The following STAC variants were observed in gnomAD, a reference collection of about 807,000 sequenced individuals.
STAC encodes SH3 and cysteine-rich domain-containing protein.
A neutral mutation model predicts 48.8 loss-of-function variants in STAC; 43 were observed. That is an observed-to-expected ratio of 0.88 (90% confidence interval 0.69 to 1.14). The LOEUF is 1.14. Among genes scored for constraint, STAC ranks in the 50% most tolerant of loss-of-function variants. STAC has a pLI of 0.00. For missense variants in STAC, 497 were observed against 504.0 expected (o/e 0.99, Z 0.13); for synonymous variants, 193 against 179.5 (o/e 1.07, Z -0.60).
chr3:36,470,750 G>C (rs1559504009), intron 2 of STAC, among the ~76,000 whole-genome samples: 2 of 152,212 alleles, frequency 1.3e-5, no homozygotes, highest in Non-Finnish European at 2.9e-5. Context: ...CTGCAAGCTA[G>C]TCCTGCCTCC....
intron 1 of STAC, among the ~76,000 whole-genome samples, chr3:36,387,305 T>C (rs1329792178): frequency 6.6e-6 from 1 of 152,086 alleles, no homozygotes; most frequent in Non-Finnish European, 1.5e-5. Context: ...CCTAGGTTTT[T>C]CTTGACTGTG....
intron 10 of STAC, chr3:36,529,326 TTCTTCAGTGCTC>T (rs1438168049): frequency 1.8e-5 from 3 of 165,176 alleles, no homozygotes; most frequent in Non-Finnish European, 3.9e-5. Context: ...GTGTGGTTAA[TTCTTCAGTGCTC>T]TCTAACAAAT....
At chr3:36,519,854 C>G (rs1698759975) in intron 8 of STAC, among the ~76,000 whole-genome samples, 1 of 152,108 alleles carries the variant, frequency 6.6e-6, no homozygotes, top group Non-Finnish European at 1.5e-5. Context: ...GGAATGCTGA[C>G]AGGAATTTAC....
chr3:36,460,320 T>C (rs1042790329), intron 2 of STAC, among the ~76,000 whole-genome samples: 19 of 152,036 alleles, frequency 1.2e-4, no homozygotes, highest in African/African-American at 4.6e-4. Flanking sequence ...CCTCATACTT[T>C]AGCAAATAAA....
chr3:36,435,369 T>G (rs959511816), intron 1 of STAC, among the ~76,000 whole-genome samples: 2 of 152,176 alleles, frequency 1.3e-5, no homozygotes, highest in Non-Finnish European at 1.5e-5. Context: ...TTCTCCATCT[T>G]TCTCCTTATG....
intron 2 of STAC, among the ~76,000 whole-genome samples, chr3:36,464,693 G>A (rs1412648966): frequency 1.3e-5 from 2 of 152,032 alleles, no homozygotes; most frequent in Non-Finnish European, 2.9e-5. Flanking sequence ...ATGATGTTTG[G>A]TTTTCCATTC....
chr3:36,461,110 A>G (rs1697005192), intron 2 of STAC, among the ~76,000 whole-genome samples: 1 of 152,188 alleles, frequency 6.6e-6, no homozygotes, highest in African/African-American at 2.4e-5. Context: ...ATGTATATGC[A>G]TATTTTGAAT....
chr3:36,430,417 T>C (rs73063806), intron 1 of STAC, among the ~76,000 whole-genome samples: 3,538 of 152,234 alleles, frequency 0.023, 60 homozygotes, highest in East Asian at 0.026. Context: ...TAATGAGCAG[T>C]AGGTCTCCAG....
At chr3:36,546,034 C>T (rs749621984) in intron 10 of STAC, among the ~76,000 whole-genome samples, 157 bp from the exon 11 acceptor site, 2 of 152,124 alleles carry the variant, frequency 1.3e-5, no homozygotes, top group Non-Finnish European at 2.9e-5. Context: ...TTTATCAAAC[C>T]TTTTTCTCAC....
intron 1 of STAC, among the ~76,000 whole-genome samples, chr3:36,436,493 C>T (rs558705812): frequency 6.6e-5 from 10 of 152,320 alleles, no homozygotes; most frequent in East Asian, 3.9e-4. Flanking sequence ...CTTAACCAGA[C>T]GCACCGACCT....
At position 36,528,767 on chromosome 3, in the gene STAC, T is replaced by C; in HGVS notation, c.972+20T>C. ...TGGAAAGTAAGTGTTCCTCTTTCTTTAAAAAAAAAAGAGAAAATCATTTGG... is the reference window on the plus strand; with the variant it reads ...TGGAAAGTAAGTGTTCCTCTTTCTTCAAAAAAAAAAGAGAAAATCATTTGG... On this transcript the variant is annotated intron_variant, in intron 9 of 10. Coordinates refer to ENST00000273183, the MANE Select transcript of STAC (RefSeq NM_003149.3). The C allele has an allele frequency of 7.1e-7, 1 of 1,404,138 alleles. No homozygotes were observed. The highest frequency in any genetic ancestry group is 9.8e-7 in the Non-Finnish European group (1 of 1,024,712). 87.0% of individuals were successfully genotyped at this position (1,404,138 alleles called of 1,614,324 possible).
At chr3:36,498,762 G>C (rs1698213892) in intron 6 of STAC, among the ~76,000 whole-genome samples, 1 of 152,000 alleles carries the variant, frequency 6.6e-6, no homozygotes, top group Non-Finnish European at 1.5e-5. Context: ...CTCAAAAAGA[G>C]AGAGAGAGAA....
At chr3:36,438,451 G>T (rs184944214) in intron 1 of STAC, among the ~76,000 whole-genome samples, 12 of 152,234 alleles carry the variant, frequency 7.9e-5, no homozygotes, top group Admixed American at 5.9e-4. Flanking sequence ...TAACATCAGG[G>T]TTTGCTTCTA....
intron 1 of STAC, among the ~76,000 whole-genome samples, chr3:36,431,219 C>T (rs1700692490): frequency 1.3e-5 from 2 of 152,086 alleles, no homozygotes; most frequent in African/African-American, 4.8e-5. Context: ...AGCCAGCCAT[C>T]ATATTTCCAT....
chr3:36,409,968 T>C (rs1014005534), intron 1 of STAC, among the ~76,000 whole-genome samples: 1 of 152,156 alleles, frequency 6.6e-6, no homozygotes, highest in Non-Finnish European at 1.5e-5. Context: ...TAAAGGTGTA[T>C]GGAAATGAGA....
intron 1 of STAC, among the ~76,000 whole-genome samples, chr3:36,431,227 C>T (rs1700692625): frequency 6.6e-6 from 1 of 152,044 alleles, no homozygotes; most frequent in Non-Finnish European, 1.5e-5. Flanking sequence ...ATCATATTTC[C>T]ATCTTCTCTT....
chr3:36,523,937 G>A (rs1173001091), intron 8 of STAC, among the ~76,000 whole-genome samples: 1 of 152,330 alleles, frequency 6.6e-6, no homozygotes, highest in South Asian at 2.1e-4. Flanking sequence ...TCACAGTTGA[G>A]AGTGAAGGGT....
At chr3:36,519,836 G>A (rs1698759612) in intron 8 of STAC, among the ~76,000 whole-genome samples, 1 of 152,086 alleles carries the variant, frequency 6.6e-6, no homozygotes, top group South Asian at 2.1e-4. Context: ...CATATACATA[G>A]GCAATGAGGA....
intron 3 of STAC, 119 bp downstream of exon 3, chr3:36,483,211 G>A: frequency 1.5e-6 from 1 of 689,438 alleles, no homozygotes; most frequent in Non-Finnish European, 2.4e-6. Flanking sequence ...CCCCAGAACT[G>A]GCTGCCAGCT....
Sources: gnomAD v4.1 joint callset for allele counts (sites outside exome capture counted in the v4.1 genomes callset) on GRCh38, gnomAD v4.1.1 for gene constraint, MANE v1.5 for transcripts, NCBI Gene and HGNC (gene_info 2026-07-23, HGNC 2026-07-21) for gene names.